The following TP63 variants were observed in gnomAD, a reference collection of about 807,000 sequenced individuals.
The protein encoded by TP63 is tumor protein 63.
TP63 carries 17 observed loss-of-function variants against 82.8 expected under a neutral mutation model. That is an observed-to-expected ratio of 0.21 (90% CI 0.14 to 0.31). TP63 has a LOEUF of 0.31. TP63 is among the 10% of genes least tolerant of loss of function. TP63 has a pLI of 1.00. For missense variants in TP63, 648 were observed against 895.3 expected (o/e 0.72, Z 3.52); for synonymous variants, 330 against 321.7 (o/e 1.03, Z -0.28).
intron 1 of TP63, among the ~76,000 whole-genome samples, chr3:189,689,457 G>T (rs1428743693): frequency 2.0e-5 from 3 of 151,786 alleles, no homozygotes; most frequent in Non-Finnish European, 4.4e-5. Flanking sequence ...AGACCCTGAG[G>T]TTCATTTCAC....
intron 4 of TP63, among the ~76,000 whole-genome samples, chr3:189,836,275 G>A (rs1238388980): frequency 6.6e-6 from 1 of 152,016 alleles, no homozygotes; most frequent in Non-Finnish European, 1.5e-5. Context: ...ATTTCAACTG[G>A]CAAACAATAT....
chr3:189,808,175 C>A, intron 3 of TP63, 97 bp from the exon 4 acceptor site: 2 of 1,601,466 alleles, frequency 1.2e-6, no homozygotes. Context: ...ACGTGAGGTC[C>A]ATCTCTGTAG....
At chr3:189,739,819 A>G (rs2108505044) in intron 3 of TP63, among the ~76,000 whole-genome samples, 1 of 148,596 alleles carries the variant, frequency 6.7e-6, no homozygotes, top group African/African-American at 2.5e-5. Context: ...TATTTACGGC[A>G]CAAGTCCTGC....
chr3:189,794,802 A>G (rs1244679245), intron 3 of TP63, among the ~76,000 whole-genome samples: 3 of 152,044 alleles, frequency 2.0e-5, no homozygotes, highest in African/African-American at 7.2e-5. Flanking sequence ...GAGATTGCCT[A>G]GAAGTATGAA....
chr3:189,738,846 G>T (rs1045552865), intron 3 of TP63, 72 bp downstream of exon 3: 56 of 1,584,712 alleles, frequency 3.5e-5, no homozygotes, highest in Non-Finnish European at 4.6e-5. Flanking sequence ...TGTCTTTTCA[G>T]TCATGTGTGA....
chr3:189,724,145 T>C (rs576905209), intron 1 of TP63, among the ~76,000 whole-genome samples: 1 of 152,204 alleles, frequency 6.6e-6, no homozygotes, highest in South Asian at 2.1e-4. Context: ...TTTCAGGCTG[T>C]ATAAATTAAG....
the TP63 span, among the ~76,000 whole-genome samples, chr3:189,599,705 C>T: frequency 3.3e-5 from 5 of 151,976 alleles, no homozygotes; most frequent in Non-Finnish European, 7.4e-5. Context: ...GTATTAGTAA[C>T]CCATATTTTT....
chr3:189,718,905 G>A (rs899682182), intron 1 of TP63, among the ~76,000 whole-genome samples: 2 of 152,130 alleles, frequency 1.3e-5, no homozygotes, highest in Non-Finnish European at 2.9e-5. Context: ...TATACTTTTG[G>A]AGAGGGGTAT....
At chr3:189,834,032 G>T (rs1197167579) in intron 4 of TP63, among the ~76,000 whole-genome samples, 1 of 152,166 alleles carries the variant, frequency 6.6e-6, no homozygotes, top group Non-Finnish European at 1.5e-5. Flanking sequence ...GAGCGTATGT[G>T]CATTTGTGTT....
intron 3 of TP63, among the ~76,000 whole-genome samples, chr3:189,806,155 C>G (rs996839966): frequency 3.8e-5 from 5 of 131,132 alleles, no homozygotes; most frequent in African/African-American, 1.4e-4. Context: ...GGTCCCAAAA[C>G]TTTTTTCTTC....
intron 4 of TP63, among the ~76,000 whole-genome samples, chr3:189,840,679 T>G (rs1181156730): frequency 6.6e-6 from 1 of 151,592 alleles, no homozygotes; most frequent in Admixed American, 6.6e-5. Flanking sequence ...GCTAAGATGG[T>G]GAAACCCGTG....
chr3:189,663,275 G>A (rs1714085900), intron 1 of TP63, among the ~76,000 whole-genome samples: 1 of 151,414 alleles, frequency 6.6e-6, no homozygotes, highest in Non-Finnish European at 1.5e-5. Flanking sequence ...GTTCTGGAAG[G>A]ACTTCAGAGT....
intron 4 of TP63, among the ~76,000 whole-genome samples, chr3:189,842,253 A>G (rs990701380): frequency 6.6e-6 from 1 of 151,930 alleles, no homozygotes; most frequent in Admixed American, 6.6e-5. Flanking sequence ...CGTGTATGTC[A>G]CGTCTGTGTC....
chr3:189,872,400 A>AACACACACACACAC (rs60097753), intron 9 of TP63, among the ~76,000 whole-genome samples: 15 of 147,116 alleles, frequency 1.0e-4, no homozygotes, highest in African/African-American at 3.5e-4. Flanking sequence ...AAGTTTCTCT[A>AACACACACACACAC]ACACACACAC....
intron 3 of TP63, among the ~76,000 whole-genome samples, chr3:189,755,704 T>C (rs945903728): frequency 5.9e-5 from 9 of 152,320 alleles, no homozygotes; most frequent in African/African-American, 2.2e-4. Context: ...CTTCTTTTCA[T>C]GAATCTTGTT....
chr3:189,830,226 G>A (rs1712110407), intron 4 of TP63, among the ~76,000 whole-genome samples: 1 of 152,156 alleles, frequency 6.6e-6, no homozygotes, highest in African/African-American at 2.4e-5. Flanking sequence ...TTTACAAATT[G>A]TAGTCAGGAG....
intron 1 of TP63, among the ~76,000 whole-genome samples, chr3:189,709,124 G>A (rs1383137737): frequency 6.6e-6 from 1 of 152,144 alleles, no homozygotes; most frequent in African/African-American, 2.4e-5. Context: ...TGTACATCAT[G>A]AAAATGTACA....
intron 4 of TP63, among the ~76,000 whole-genome samples, chr3:189,815,427 C>G (rs912928416): frequency 6.6e-6 from 1 of 152,132 alleles, no homozygotes; most frequent in African/African-American, 2.4e-5. Context: ...AGCTTATATA[C>G]TGTATCTACA....
Position 189,726,327 on chromosome 3 carries a change from A to G in TP63, c.63-11413A>G, listed in dbSNP as rs114333772. ...TTTTAATGTTATTCAGCTGTAGAATATTGACAATAATATTCATTCTATGAC... is the reference window on the plus strand; with the variant it reads ...TTTTAATGTTATTCAGCTGTAGAATGTTGACAATAATATTCATTCTATGAC... On this transcript the variant is annotated intron_variant, in intron 1 of 13. Coordinates refer to ENST00000264731, the MANE Select transcript of TP63 (RefSeq NM_003722.5). Among the ~76,000 whole-genome samples, 604 of 152,260 alleles carry G rather than the reference A, an allele frequency of 4.0e-3. 5 individuals carry two copies. Among genetic ancestry groups the G allele is most frequent in the African/African-American group, 0.014 (582 of 41,546 alleles).
Sources: gnomAD v4.1 joint callset for allele counts (sites outside exome capture counted in the v4.1 genomes callset) on GRCh38, gnomAD v4.1.1 for gene constraint, MANE v1.5 for transcripts, NCBI Gene and HGNC (gene_info 2026-07-23, HGNC 2026-07-21) for gene names.